Variants in JMJD1C observed in about 807,000 individuals in gnomAD.
JMJD1C encodes jumonji domain-containing protein 1C.
In JMJD1C, 31 loss-of-function variants were observed where a neutral mutation model predicts 245.3. The ratio of observed to expected loss-of-function variants is 0.13; its 90% CI spans 0.09 to 0.17. The LOEUF is 0.17. Among genes scored for constraint, JMJD1C ranks in the 10% least tolerant of loss-of-function variants. JMJD1C has a pLI of 1.00. For synonymous variants in JMJD1C, 1,057 were observed against 1,017.4 expected, an observed-to-expected ratio of 1.04 and a Z score of -0.74; for missense variants, 2,691 against 3,000.2, an observed-to-expected ratio of 0.90 and a Z score of 2.41.
intron 10 of JMJD1C, chr10:63,202,358 G>A: frequency 1.0e-6 from 1 of 984,528 alleles, no homozygotes; most frequent in Non-Finnish European, 1.2e-6. Context: ...CTATATGTCA[G>A]ATATTAGATT....
intron 2 of JMJD1C, among the ~76,000 whole-genome samples, chr10:63,303,168 T>G (rs770581347): frequency 2.2e-4 from 34 of 152,268 alleles, no homozygotes; most frequent in Non-Finnish European, 7.3e-5. Context: ...GTTCTTGAAC[T>G]AATGATTTAA....
intron 2 of JMJD1C, among the ~76,000 whole-genome samples, chr10:63,323,791 T>C (rs995991963): frequency 3.3e-5 from 5 of 152,160 alleles, no homozygotes; most frequent in African/African-American, 1.2e-4. Context: ...AGTGTGAGCA[T>C]ATTTGTGTGT....
At chr10:63,216,373 T>TA (rs148928116) in intron 5 of JMJD1C, among the ~76,000 whole-genome samples, 5,306 of 150,584 alleles carry the variant, frequency 0.035, 284 homozygotes, top group East Asian at 0.26. Context: ...TGTATTAAGT[T>TA]AAAAAAAAAA....
At chr10:63,405,534 G>A (rs1050241573) in intron 1 of JMJD1C, among the ~76,000 whole-genome samples, 9 of 151,968 alleles carry the variant, frequency 5.9e-5, no homozygotes, top group African/African-American at 1.9e-4. Context: ...CGTTGGCCAG[G>A]CTGGTCTCAA....
At chr10:63,450,640 A>ACT (rs1285921070) in intron 1 of JMJD1C, among the ~76,000 whole-genome samples, 1 of 152,082 alleles carries the variant, frequency 6.6e-6, no homozygotes, top group Non-Finnish European at 1.5e-5. Flanking sequence ...TTCATAAAAC[A>ACT]CTCTACCAAC....
intron 1 of JMJD1C, 161 bp downstream of exon 1, chr10:63,465,333 AC>A: frequency 1.4e-6 from 1 of 716,154 alleles, no homozygotes; most frequent in South Asian, 1.9e-5. Flanking sequence ...AGACGCAGGG[AC>A]CCAGGCAAGG....
intron 22 of JMJD1C, among the ~76,000 whole-genome samples, chr10:63,178,662 T>C (rs1185825348): frequency 6.6e-6 from 1 of 152,206 alleles, no homozygotes; most frequent in Non-Finnish European, 1.5e-5. Context: ...TATTTGATAA[T>C]GGTTAATCTG....
chr10:63,182,670 AC>A (rs1395350666), intron 22 of JMJD1C, among the ~76,000 whole-genome samples: 1 of 152,228 alleles, frequency 6.6e-6, no homozygotes, highest in African/African-American at 2.4e-5. Flanking sequence ...AATAACTGAC[AC>A]CATGGTTTCA....
chr10:63,221,461 T>C (rs997280429), intron 3 of JMJD1C, among the ~76,000 whole-genome samples: 1 of 152,186 alleles, frequency 6.6e-6, no homozygotes, highest in Non-Finnish European at 1.5e-5. Context: ...GGAAAATACA[T>C]AGAAGTACTG....
At chr10:63,273,217 T>C (rs535146502) in intron 2 of JMJD1C, among the ~76,000 whole-genome samples, 1 of 152,300 alleles carries the variant, frequency 6.6e-6, no homozygotes, top group South Asian at 2.1e-4. Context: ...ATTTAGAGAT[T>C]GGGTCTCACT....
intron 2 of JMJD1C, among the ~76,000 whole-genome samples, chr10:63,270,370 T>C (rs952300233): frequency 2.0e-5 from 3 of 152,068 alleles, no homozygotes; most frequent in Non-Finnish European, 2.9e-5. Context: ...TCTCACCACA[T>C]TGGCCAGGCT....
intron 1 of JMJD1C, among the ~76,000 whole-genome samples, chr10:63,445,729 G>A (rs2132966637): frequency 6.6e-6 from 1 of 152,154 alleles, no homozygotes; most frequent in Non-Finnish European, 1.5e-5. Context: ...TAGATATCTA[G>A]TTACAAGTAA....
intron 1 of JMJD1C, among the ~76,000 whole-genome samples, chr10:63,394,394 A>G (rs1013381409): frequency 1.3e-5 from 2 of 152,212 alleles, no homozygotes; most frequent in African/African-American, 4.8e-5. Flanking sequence ...GCAGGGAGAA[A>G]GTAAATAAAT....
intron 2 of JMJD1C, among the ~76,000 whole-genome samples, chr10:63,370,949 T>A (rs959654620): frequency 6.6e-6 from 1 of 152,176 alleles, no homozygotes; most frequent in Non-Finnish European, 1.5e-5. Context: ...TCTGCCATAA[T>A]ATAAAATAAT....
At chr10:63,365,620 T>C (rs965704827) in intron 2 of JMJD1C, among the ~76,000 whole-genome samples, 2 of 152,152 alleles carry the variant, frequency 1.3e-5, no homozygotes, top group African/African-American at 4.8e-5. Flanking sequence ...AAAAAAGTAT[T>C]ATGCTAAAGA....
intron 1 of JMJD1C, among the ~76,000 whole-genome samples, chr10:63,510,936 G>A (rs749454420): frequency 2.0e-5 from 3 of 152,084 alleles, no homozygotes; most frequent in African/African-American, 4.8e-5. Context: ...TTGTCATTAC[G>A]TCCTATTTAT....
chr10:63,222,175 C>T (rs374935565), intron 3 of JMJD1C: 36 of 747,934 alleles, frequency 4.8e-5, no homozygotes, highest in East Asian at 3.5e-4. Context: ...TCAAGTTTAT[C>T]GATATTGTTA....
At chr10:63,309,419 G>T (rs953625939) in intron 2 of JMJD1C, among the ~76,000 whole-genome samples, 1 of 150,482 alleles carries the variant, frequency 6.6e-6, no homozygotes, top group Non-Finnish European at 1.5e-5. Flanking sequence ...GCTTGAACCG[G>T]GGGGGCAGAG....
At chr10:63,451,802 T>C (rs902161817) in intron 1 of JMJD1C, among the ~76,000 whole-genome samples, 8 of 152,102 alleles carry the variant, frequency 5.3e-5, no homozygotes, top group African/African-American at 1.7e-4. Context: ...TATGGCCAAA[T>C]AATTTTTGAA....
Sources: gnomAD v4.1 joint callset for allele counts (sites outside exome capture counted in the v4.1 genomes callset) on GRCh38, gnomAD v4.1.1 for gene constraint, MANE v1.5 for transcripts, NCBI Gene and HGNC (gene_info 2026-07-23, HGNC 2026-07-21) for gene names.